ANO1: variants seen among roughly 807,000 people sequenced by gnomAD.
The protein encoded by ANO1 is anoctamin-1.
Under a neutral mutation model 124.0 loss-of-function variants are expected in ANO1, and 59 were observed. The ratio of observed to expected loss-of-function variants is 0.48; its 90% CI spans 0.39 to 0.59. The LOEUF (loss-of-function observed/expected upper bound fraction) is 0.59. ANO1 is among the 20% of genes least tolerant of loss of function. The pLI is 0.00. For synonymous variants in ANO1, 529 were observed against 532.0 expected (o/e 0.99, Z 0.08); for missense variants, 1,059 against 1,328.0 (o/e 0.80, Z 3.15).
At chr11:70,122,282 C>T (rs574282166) in intron 8 of ANO1, among the ~76,000 whole-genome samples, 28 of 119,966 alleles carry the variant, frequency 2.3e-4, no homozygotes, top group South Asian at 1.3e-3. Flanking sequence ...CTGCCTCTGT[C>T]TCTGTCTCTC....
intron 1 of ANO1, among the ~76,000 whole-genome samples, chr11:70,025,394 G>A (rs1473668087): frequency 6.6e-6 from 1 of 152,024 alleles, no homozygotes; most frequent in Admixed American, 6.5e-5. Flanking sequence ...GAATAATGAT[G>A]GTGGTGGTGG....
intron 2 of ANO1, among the ~76,000 whole-genome samples, chr11:70,090,277 G>T (rs2044576410): frequency 1.3e-5 from 2 of 152,304 alleles, no homozygotes; most frequent in East Asian, 3.9e-4. Context: ...AAAGTGCTGG[G>T]ATTACAGGCG....
At position 70,172,857 on chromosome 11, in the gene ANO1, C is replaced by G. The variant is rs564154858; in HGVS notation, c.2350+1818C>G. On this transcript the variant is annotated intron_variant, in intron 22 of 25. Coordinates refer to ENST00000355303, the MANE Select transcript of ANO1 (RefSeq NM_018043.7). ...CTTCAGCCTGGGTGACAGAGTGAGACTCCATCTCAAAAAAAAAAAAATGTG... is the reference window on the plus strand; with the variant it reads ...CTTCAGCCTGGGTGACAGAGTGAGAGTCCATCTCAAAAAAAAAAAAATGTG... Among the ~76,000 whole-genome samples the G allele has an allele frequency of 1.2e-3, 180 of 151,474 alleles. 1 individual carries two copies. The highest frequency in any genetic ancestry group is 2.0e-3 in the Non-Finnish European group (136 of 67,900).
At chr11:70,080,236 G>A (rs2044162381) in intron 1 of ANO1, among the ~76,000 whole-genome samples, 1 of 152,218 alleles carries the variant, frequency 6.6e-6, no homozygotes, top group East Asian at 1.9e-4. Flanking sequence ...TACAGGCAAG[G>A]AGACTGAGGC....
At chr11:70,023,629 T>C (rs1347839982) in intron 1 of ANO1, among the ~76,000 whole-genome samples, 1 of 152,206 alleles carries the variant, frequency 6.6e-6, no homozygotes, top group East Asian at 1.9e-4. Flanking sequence ...GTTTAGGAGT[T>C]GTAGCCTCAT....
At chr11:70,181,797 G>T (rs1473454002) in intron 23 of ANO1, among the ~76,000 whole-genome samples, 1 of 150,876 alleles carries the variant, frequency 6.6e-6, no homozygotes, top group Non-Finnish European at 1.5e-5. Context: ...AAAAAAAGTA[G>T]TAGCAGGAAA....
chr11:70,065,212 G>A (rs570253999), intron 1 of ANO1: 2 of 152,438 alleles, frequency 1.3e-5, no homozygotes, highest in African/African-American at 2.4e-5. Flanking sequence ...CTGTGGAGCA[G>A]GTTGCCTTTG....
intron 2 of ANO1, among the ~76,000 whole-genome samples, chr11:70,092,219 T>C (rs1286324070): frequency 1.3e-5 from 2 of 152,230 alleles, no homozygotes; most frequent in Non-Finnish European, 2.9e-5. Flanking sequence ...CCAGTCATTC[T>C]ATTTGGGGCC....
In ANO1 at chr11:70,131,988, G is replaced by C; in HGVS notation, c.1167G>C (p.Trp389Cys). The change falls in exon 11 of 26, where the codon TGG becomes TGC. Residue 389 changes from tryptophan (W) to cysteine (C), a missense_variant. Trp to Cys is a radical substitution (Grantham distance 215). This residue lies in a region of ANO1 where 809 missense variants were observed against 1,094.9 expected (regional missense o/e 0.74). Transcript: ENST00000355303. ...CPLCDKTCSY[W>C]KMSSACATAR... The stretch of plus-strand genomic sequence containing the variant: ...TTTGCGACAAGACCTGCAGCTACTG[G>C]AAGATGAGCTCAGCCTGCGCCACGG... 1.2e-6 allele frequency: 2 copies of C among 1,610,534 alleles called. No homozygotes were observed. Among genetic ancestry groups the C allele is most frequent in the Non-Finnish European group, 1.7e-6 (2 of 1,179,642 alleles).
intron 1 of ANO1, among the ~76,000 whole-genome samples, chr11:70,035,948 A>G (rs1857086437): frequency 6.6e-6 from 1 of 152,130 alleles, no homozygotes; most frequent in South Asian, 2.1e-4. Context: ...GGTTGATTCC[A>G]AGTCTTTGCT....
intron 1 of ANO1, among the ~76,000 whole-genome samples, chr11:69,987,839 C>G (rs1444668285): frequency 2.6e-5 from 4 of 152,124 alleles, no homozygotes; most frequent in Non-Finnish European, 2.9e-5. Flanking sequence ...GATGTGAGGA[C>G]CTGGAGTGTT....
chr11:69,996,736 A>G (rs77484530), intron 1 of ANO1, among the ~76,000 whole-genome samples: 8 of 152,320 alleles, frequency 5.3e-5, no homozygotes, highest in Admixed American at 1.3e-4. Context: ...TCTCTCCCCA[A>G]ATACCAAGTC....
At position 70,104,085 on chromosome 11, in the gene ANO1, G is replaced by A. The variant is rs2045390643; in HGVS notation, c.627G>A (p.Val209=). ...QKITDPIQPK[V]AEHRPQTMKR... ...TCACAGATCCCATCCAGCCCAAAGT[G>A]GCTGAGCACAGGCCCCAGACCATGA... is the stretch of plus-strand genomic sequence containing the variant. The change falls in exon 4 of 26, where the codon GTG becomes GTA. Residue 209 remains valine (V), a synonymous_variant. Coordinates refer to ENST00000355303, the MANE Select transcript of ANO1 (RefSeq NM_018043.7). 3.1e-6 allele frequency: 5 copies of A among 1,612,952 alleles called. No homozygotes were observed. Among genetic ancestry groups the A allele is most frequent in the African/African-American group, 1.3e-5 (1 of 74,912 alleles).
At chr11:69,978,192 A>G in the ANO1 span, among the ~76,000 whole-genome samples, 1 of 152,090 alleles carries the variant, frequency 6.6e-6, no homozygotes, top group Non-Finnish European at 1.5e-5. Context: ...AGGGGGTGGC[A>G]TTTGGAGCCA....
At chr11:70,105,554 A>C (rs1226681895) in intron 4 of ANO1, among the ~76,000 whole-genome samples, 180 bp from the exon 5 acceptor site, 2 of 152,178 alleles carry the variant, frequency 1.3e-5, no homozygotes, top group African/African-American at 2.4e-5. Context: ...GTGCGGGGGC[A>C]GTGAAACAGT....
chr11:70,054,476 GC>G (rs1259946154), intron 1 of ANO1, among the ~76,000 whole-genome samples: 3 of 152,220 alleles, frequency 2.0e-5, no homozygotes, highest in African/African-American at 7.2e-5. Flanking sequence ...CACCTCAGCT[GC>G]TGGCACACAT....
chr11:70,017,308 C>T (rs1396225566), intron 1 of ANO1, among the ~76,000 whole-genome samples: 1 of 152,196 alleles, frequency 6.6e-6, no homozygotes, highest in Admixed American at 6.5e-5. Flanking sequence ...ATAAAGGAAA[C>T]TCTTTGGGGA....
At chr11:70,095,984 C>T (rs183111274) in intron 2 of ANO1, among the ~76,000 whole-genome samples, 12 of 152,236 alleles carry the variant, frequency 7.9e-5, no homozygotes, top group Non-Finnish European at 1.8e-4. Context: ...TGTCTTTAAA[C>T]GAGTTAAGCA....
intron 2 of ANO1, among the ~76,000 whole-genome samples, chr11:70,088,421 A>G (rs1443543656): frequency 6.6e-6 from 1 of 151,636 alleles, no homozygotes; most frequent in Non-Finnish European, 1.5e-5. Flanking sequence ...AGGCAGGAAA[A>G]TCACTTGAAC....
Sources: gnomAD v4.1 joint callset for allele counts (sites outside exome capture counted in the v4.1 genomes callset) on GRCh38, gnomAD v4.1.1 for gene constraint, gnomAD v4.1.1 regional missense constraint, MANE v1.5 for transcripts, NCBI Gene and HGNC (gene_info 2026-07-23, HGNC 2026-07-21) for gene names.